The following HPSE2 variants were observed in gnomAD, a reference collection of about 807,000 sequenced individuals.
HPSE2 encodes inactive heparanase-2.
A neutral mutation model predicts 60.5 loss-of-function variants in HPSE2; 38 were observed. The ratio of observed to expected loss-of-function variants is 0.63; its 90% CI spans 0.48 to 0.82. HPSE2 has a LOEUF of 0.82. HPSE2 is among the 40% of genes least tolerant of loss of function. HPSE2 has a pLI of 0.00. For synonymous variants in HPSE2, 295 were observed against 293.2 expected, an observed-to-expected ratio of 1.01 and a Z score of -0.06; for missense variants, 713 against 740.4, an observed-to-expected ratio of 0.96 and a Z score of 0.43.
At chr10:98,579,689 A>G (rs1944739861) in intron 9 of HPSE2, among the ~76,000 whole-genome samples, 1 of 152,194 alleles carries the variant, frequency 6.6e-6, no homozygotes, top group East Asian at 1.9e-4. Context: ...CGGAAGATGT[A>G]GTCTAAGTGT....
chr10:99,096,804 C>A (rs1213726563), intron 3 of HPSE2, among the ~76,000 whole-genome samples: 1 of 152,052 alleles, frequency 6.6e-6, no homozygotes, highest in Non-Finnish European at 1.5e-5. Flanking sequence ...GTTCTTACAG[C>A]AATCATGATA....
In HPSE2 at chr10:98,700,876, A is replaced by G. The variant is rs564152588; in HGVS notation, c.957-6929T>C. ...TCTCAAGACATTCATGCAGCCAAAA[A>G]ACACATGAAAAAATGCTCACCATCA... On this transcript the variant is annotated intron_variant, in intron 5 of 11. Transcript: ENST00000370552. Among the ~76,000 whole-genome samples, 2 of 66,788 alleles carry G rather than the reference A, an allele frequency of 3.0e-5. 1 individual carries two copies. Among genetic ancestry groups the G allele is most frequent in the Non-Finnish European group, 8.4e-5 (2 of 23,922 alleles). 43.8% of individuals were successfully genotyped at this position (66,788 alleles called of 152,430 possible). A position where few individuals can be genotyped will look rare whatever the true frequency, so the allele number is the denominator to read the frequency against.
intron 6 of HPSE2, among the ~76,000 whole-genome samples, chr10:98,690,431 C>T (rs1948047631): frequency 6.6e-6 from 1 of 152,114 alleles, no homozygotes; most frequent in Admixed American, 6.5e-5. Context: ...GTCCCAGCTA[C>T]TCGGGAGGCT....
At position 99,017,734 on chromosome 10, in the gene HPSE2, T is replaced by C. The variant is rs143656638; in HGVS notation, c.610+126504A>G. Among the ~76,000 whole-genome samples the C allele has an allele frequency of 1.0e-3, 158 of 152,254 alleles. 1 individual carries two copies. The highest frequency in any genetic ancestry group is 7.5e-4 in the Non-Finnish European group (51 of 68,004). The stretch of plus-strand genomic sequence containing the variant: ...TACTTGACGTGGCTACCATTAGGAG[T>C]TGGGACTCTTTACTCCTAAGAATAA... On this transcript the variant is annotated intron_variant, in intron 3 of 11. Coordinates refer to ENST00000370552, the MANE Select transcript of HPSE2 (RefSeq NM_021828.5).
chr10:99,235,896 CCT>C (rs903409397), upstream of HPSE2: 20 of 1,028,148 alleles, frequency 1.9e-5, no homozygotes, highest in Middle Eastern at 2.9e-4. Context: ...CTTTTTCCCC[CCT>C]TTTTTTCCCT....
intron 3 of HPSE2, among the ~76,000 whole-genome samples, chr10:98,816,450 C>T (rs879216961): frequency 6.6e-6 from 1 of 151,688 alleles, no homozygotes; most frequent in Non-Finnish European, 1.5e-5. Flanking sequence ...CTTGTGTTGT[C>T]GAGTACATTA....
chr10:98,650,496 T>G (rs1241809373), intron 6 of HPSE2, among the ~76,000 whole-genome samples: 1 of 152,244 alleles, frequency 6.6e-6, no homozygotes, highest in East Asian at 1.9e-4. Flanking sequence ...TGTCCTTGTA[T>G]GAAAATTAAA....
chr10:99,132,659 C>T (rs1017766266), intron 3 of HPSE2, among the ~76,000 whole-genome samples: 48 of 152,076 alleles, frequency 3.2e-4, no homozygotes, highest in African/African-American at 1.2e-3. Flanking sequence ...TTTTCTCCCC[C>T]ACCCAAGGGA....
chr10:98,559,994 T>C lies in HPSE2; in HGVS notation c.1320+54910A>G, dbSNP rs903233861. 7.2e-5 allele frequency among the ~76,000 whole-genome samples: 11 copies of C among 152,172 alleles called. No individual in the cohort carries two copies. In the East Asian group the frequency reaches 1.9e-3, roughly 27 times the overall value. On this transcript the variant is annotated intron_variant, in intron 9 of 11. Transcript: ENST00000370552. ...GTCCTAAAAGGGAGCAGTGGGAAGT[T>C]AGGGTGGAAAATAAGCTGGAGTCAG... is the stretch of plus-strand genomic sequence containing the variant.
chr10:99,144,092 C>T, intron 3 of HPSE2, 146 bp downstream of exon 3: 2 of 828,322 alleles, frequency 2.4e-6, no homozygotes, highest in Non-Finnish European at 3.8e-6. Flanking sequence ...AATATATCTG[C>T]AAACTACAAG....
At chr10:99,245,989 A>G in the HPSE2 span, among the ~76,000 whole-genome samples, 1 of 152,264 alleles carries the variant, frequency 6.6e-6, no homozygotes, top group Non-Finnish European at 1.5e-5. Flanking sequence ...AAATACAATG[A>G]TAGGTGAGAA....
chr10:99,120,494 A>G (rs575026857), intron 3 of HPSE2, among the ~76,000 whole-genome samples: 1 of 148,896 alleles, frequency 6.7e-6, no homozygotes, highest in Non-Finnish European at 1.5e-5. Context: ...TTTTTTTGAG[A>G]CAGAGTTTCA....
chr10:98,517,805 C>T (rs963971911), intron 9 of HPSE2, among the ~76,000 whole-genome samples: 1 of 152,178 alleles, frequency 6.6e-6, no homozygotes, highest in Non-Finnish European at 1.5e-5. Flanking sequence ...CACTGCAAGT[C>T]ACTAAACTGC....
At chr10:98,936,725 A>G (rs1179222276) in intron 3 of HPSE2, among the ~76,000 whole-genome samples, 1 of 143,102 alleles carries the variant, frequency 7.0e-6, no homozygotes, top group African/African-American at 2.9e-5. Flanking sequence ...TCACGCCTGT[A>G]ATCCCAGCAC....
intron 9 of HPSE2, among the ~76,000 whole-genome samples, chr10:98,559,532 C>T (rs1020817614): frequency 2.0e-5 from 3 of 152,166 alleles, no homozygotes; most frequent in African/African-American, 7.2e-5. Context: ...TTATGTCTAT[C>T]CTCACATGCC....
At chr10:98,893,928 G>GA (rs937613426) in intron 3 of HPSE2, among the ~76,000 whole-genome samples, 6 of 150,122 alleles carry the variant, frequency 4.0e-5, no homozygotes, top group African/African-American at 9.8e-5. Flanking sequence ...AGGCAGTAAA[G>GA]AAAAAAAAAT....
chr10:98,924,870 T>A (rs1176424053), intron 3 of HPSE2, among the ~76,000 whole-genome samples: 1 of 152,178 alleles, frequency 6.6e-6, no homozygotes, highest in Non-Finnish European at 1.5e-5. Context: ...GTGGTGAGGT[T>A]TGCACAGAAA....
chr10:98,981,390 C>T (rs1038020074), intron 3 of HPSE2, among the ~76,000 whole-genome samples: 2 of 152,112 alleles, frequency 1.3e-5, no homozygotes, highest in African/African-American at 4.8e-5. Context: ...TTAACTCTGG[C>T]TCTACCAAGT....
chr10:98,481,121 C>T (rs546533385), intron 11 of HPSE2, among the ~76,000 whole-genome samples: 3 of 152,326 alleles, frequency 2.0e-5, no homozygotes, highest in African/African-American at 4.8e-5. Context: ...CTAAGCTCTT[C>T]GGTTCCAGAG....
Sources: allele counts gnomAD v4.1 joint callset (sites outside exome capture counted in the v4.1 genomes callset), GRCh38; gene constraint gnomAD v4.1.1; transcripts MANE v1.5; gene names NCBI Gene and HGNC (gene_info 2026-07-23, HGNC 2026-07-21).